PDZD2: variants seen among roughly 807,000 people sequenced by gnomAD.
PDZD2 encodes the protein PDZ domain-containing protein 2.
In PDZD2, 90 loss-of-function variants were observed where a neutral mutation model predicts 220.7. That is an observed-to-expected ratio of 0.41 (90% CI 0.34 to 0.49). The LOEUF is 0.49. PDZD2 is among the 20% of genes least tolerant of loss of function. The pLI is 0.28. For missense variants in PDZD2, 3,174 were observed against 3,608.5 expected (o/e 0.88, Z 3.08); for synonymous variants, 1,375 against 1,450.5 (o/e 0.95, Z 1.18).
At chr5:31,689,077 G>T (rs964767074) in intron 1 of PDZD2, among the ~76,000 whole-genome samples, 90 of 151,896 alleles carry the variant, frequency 5.9e-4, no homozygotes, top group Non-Finnish European at 1.1e-3. Context: ...TTTTTGGGGG[G>T]TTTTTATTTA....
intron 2 of PDZD2, among the ~76,000 whole-genome samples, chr5:31,858,623 A>G (rs953677197): frequency 2.6e-5 from 4 of 152,220 alleles, no homozygotes; most frequent in Middle Eastern, 3.2e-3. Context: ...GCAGCTTGAT[A>G]ACATCACTAT....
chr5:31,931,293 G>A (rs1378522704), intron 2 of PDZD2, among the ~76,000 whole-genome samples: 3 of 151,926 alleles, frequency 2.0e-5, no homozygotes, highest in African/African-American at 4.8e-5. Context: ...GAGTAGCTGG[G>A]ATGACAGGCG....
rs753544684 is a variant in PDZD2, at chr5:32,089,050, C to A, written c.5602C>A (p.Pro1868Thr). 18 of 1,613,868 alleles carry A rather than the reference C, an allele frequency of 1.1e-5. No individual in the cohort carries two copies. Among genetic ancestry groups the A allele is most frequent in the Admixed American group, 8.3e-5 (5 of 60,012 alleles). Residue 1868 changes from proline to threonine, a missense_variant, in exon 20 of 25, where the codon CCG becomes ACG. Around this residue, in one of 4 missense-constraint regions of PDZD2, gnomAD observed 1,861 missense variants for 2,001.0 expected, o/e 0.93. Coordinates refer to ENST00000438447, the MANE Select transcript of PDZD2 (RefSeq NM_178140.4). ...AAATAAGGACCTGTCTAAGAAGAGT[C>A]CGGCAGAAATGCTTCTGACTAATGG... ...LENKDLSKKS[P>T]AEMLLTNGQK...
chr5:31,691,837 T>C (rs1344076610), intron 1 of PDZD2, among the ~76,000 whole-genome samples: 1 of 152,224 alleles, frequency 6.6e-6, no homozygotes, highest in Non-Finnish European at 1.5e-5. Context: ...CTGATTGGTG[T>C]GTTTACAAAC....
intron 1 of PDZD2, among the ~76,000 whole-genome samples, chr5:31,722,835 CCCA>C (rs1276393356): frequency 1.3e-5 from 2 of 152,032 alleles, no homozygotes; most frequent in African/African-American, 4.8e-5. Flanking sequence ...ATTACAGGTG[CCCA>C]CCACCACACC....
intron 1 of PDZD2, among the ~76,000 whole-genome samples, chr5:31,671,806 A>T (rs981255483): frequency 6.6e-6 from 1 of 152,170 alleles, no homozygotes; most frequent in Non-Finnish European, 1.5e-5. Context: ...CACCCCTGCA[A>T]AGGCTCTGAG....
chr5:32,024,700 A>AG lies in PDZD2; in HGVS notation c.1408-12531_1408-12530insG, dbSNP rs1179780964. On this transcript the variant is annotated intron_variant, in intron 6 of 24. Transcript: ENST00000438447. ...TTCATCTCAAAAAAAAAAAGAAAGA[A>AG]AAAAAAGAAAAGGAAAGAAAGAAAC... 9.8e-4 allele frequency among the ~76,000 whole-genome samples: 37 copies of AG among 37,674 alleles called. 6 individuals are homozygous for AG. Among genetic ancestry groups the AG allele is most frequent in the Non-Finnish European group, 1.7e-3 (18 of 10,706 alleles). 24.7% of individuals were successfully genotyped at this position (37,674 alleles called of 152,430 possible). A position where few individuals can be genotyped will look rare whatever the true frequency, so the allele number is the denominator to read the frequency against.
At chr5:32,044,773 G>A (rs1412632835) in intron 7 of PDZD2, among the ~76,000 whole-genome samples, 2 of 152,156 alleles carry the variant, frequency 1.3e-5, no homozygotes, top group African/African-American at 2.4e-5. Context: ...TACATGCTCC[G>A]CAGTTTTGGA....
At chr5:32,025,271 A>G (rs1754545406) in intron 6 of PDZD2, among the ~76,000 whole-genome samples, 1 of 152,128 alleles carries the variant, frequency 6.6e-6, no homozygotes, top group Non-Finnish European at 1.5e-5. Flanking sequence ...CACATCTGTA[A>G]TCCCAGCACT....
chr5:31,889,877 C>G (rs6450872), intron 2 of PDZD2, among the ~76,000 whole-genome samples: 2 of 151,678 alleles, frequency 1.3e-5, no homozygotes, highest in Non-Finnish European at 2.9e-5. Context: ...AAAAATTAGC[C>G]GGGTGTGGTA....
At chr5:31,880,846 G>C (rs568352616) in intron 2 of PDZD2, among the ~76,000 whole-genome samples, 1 of 117,926 alleles carries the variant, frequency 8.5e-6, no homozygotes, top group South Asian at 2.9e-4. Context: ...TTGTCACCCA[G>C]GCTGGAGTGC....
Position 32,082,367 on chromosome 5 carries a change from G to T in PDZD2, c.3682+4761G>T, listed in dbSNP as rs191896359. ...CTGAAATATCCAAAAATGCATAAGT[G>T]ATCAAAGAAGGAATACCTTATCATT... On this transcript the variant is annotated intron_variant, in intron 19 of 24. Transcript: ENST00000438447. 1.4e-3 allele frequency among the ~76,000 whole-genome samples: 208 copies of T among 151,962 alleles called. 2 individuals are homozygous for T. The highest frequency in any genetic ancestry group is 4.8e-3 in the African/African-American group (199 of 41,424).
At chr5:32,031,851 G>A (rs528524056) in intron 6 of PDZD2, among the ~76,000 whole-genome samples, 13 of 152,106 alleles carry the variant, frequency 8.5e-5, no homozygotes, top group South Asian at 6.2e-4. Context: ...ACATAAATAC[G>A]ATTGTTCCTA....
At chr5:31,686,123 C>G (rs1435998888) in intron 1 of PDZD2, among the ~76,000 whole-genome samples, 2 of 151,724 alleles carry the variant, frequency 1.3e-5, no homozygotes, top group Admixed American at 6.6e-5. Flanking sequence ...ACTCGGGAGG[C>G]TGAGGCAGGA....
intron 2 of PDZD2, among the ~76,000 whole-genome samples, chr5:31,808,923 G>A (rs190097827): frequency 2.5e-4 from 37 of 149,210 alleles, no homozygotes; most frequent in African/African-American, 8.1e-4. Flanking sequence ...AGGTTGCAGT[G>A]AGCCGAGATC....
chr5:31,785,493 C>T (rs148576480), intron 1 of PDZD2, among the ~76,000 whole-genome samples: 90 of 151,192 alleles, frequency 6.0e-4, no homozygotes, highest in African/African-American at 2.0e-3. Context: ...GGCTGGAGTG[C>T]GGTGGTATGA....
intron 1 of PDZD2, among the ~76,000 whole-genome samples, chr5:31,717,771 G>A (rs1158994753): frequency 6.6e-6 from 1 of 152,186 alleles, no homozygotes; most frequent in Non-Finnish European, 1.5e-5. Flanking sequence ...CCAGCTGCTG[G>A]TGGGCATCTG....
At chr5:31,758,166 A>C (rs1384858073) in intron 1 of PDZD2, among the ~76,000 whole-genome samples, 2 of 152,156 alleles carry the variant, frequency 1.3e-5, no homozygotes, top group Non-Finnish European at 2.9e-5. Flanking sequence ...CCTGGACCGC[A>C]CTGGATTCTA....
intron 2 of PDZD2, among the ~76,000 whole-genome samples, chr5:31,976,710 CTTTCTTTTTT>C (rs1749801377): frequency 7.8e-6 from 1 of 128,836 alleles, no homozygotes; most frequent in Non-Finnish European, 1.6e-5. Flanking sequence ...TTTTTTTCTT[CTTTCTTTTTT>C]TTTTTTTTTT....
Sources: allele counts gnomAD v4.1 joint callset (sites outside exome capture counted in the v4.1 genomes callset), GRCh38; gene constraint gnomAD v4.1.1; regional missense constraint gnomAD v4.1.1; transcripts MANE v1.5; gene names NCBI Gene and HGNC (gene_info 2026-07-23, HGNC 2026-07-21).